The following CAMK1D variants were observed in gnomAD, a reference collection of about 807,000 sequenced individuals.
CAMK1D encodes the protein calcium/calmodulin dependent protein kinase ID, also known as calcium/calmodulin-dependent protein kinase type 1D.
In CAMK1D, 9 loss-of-function variants were observed where a neutral mutation model predicts 47.7. The ratio of observed to expected loss-of-function variants is 0.19; its 90% confidence interval spans 0.11 to 0.33. The LOEUF is 0.33. CAMK1D is among the 10% of genes least tolerant of loss of function. The pLI, the probability that CAMK1D is intolerant of heterozygous loss-of-function variation, is 1.00. For synonymous variants in CAMK1D, 184 were observed against 184.9 expected, an observed-to-expected ratio of 0.99 and a Z score of 0.04; for missense variants, 291 against 488.7, an observed-to-expected ratio of 0.60 and a Z score of 3.81.
intron 1 of CAMK1D, among the ~76,000 whole-genome samples, chr10:12,420,938 TCTTC>T (rs1840029272): frequency 6.6e-6 from 1 of 152,192 alleles, no homozygotes; most frequent in African/African-American, 2.4e-5. Flanking sequence ...TGAGCTCGCC[TCTTC>T]CTTTTATCTG....
At chr10:12,668,917 A>C (rs573295029) in intron 3 of CAMK1D, among the ~76,000 whole-genome samples, 4 of 152,236 alleles carry the variant, frequency 2.6e-5, no homozygotes, top group African/African-American at 9.6e-5. Flanking sequence ...TGTTAAGAAA[A>C]AAAAAACAAA....
chr10:12,695,066 A>AGATACCTCGGTAGATT (rs58711322), intron 3 of CAMK1D, among the ~76,000 whole-genome samples: 1 of 139,510 alleles, frequency 7.2e-6, no homozygotes, highest in Admixed American at 7.2e-5. Context: ...ATAGATAGAT[A>AGATACCTCGGTAGATT]CATAGGTAGA....
intron 1 of CAMK1D, among the ~76,000 whole-genome samples, chr10:12,507,784 TC>T (rs1834921852): frequency 6.6e-6 from 1 of 152,224 alleles, no homozygotes; most frequent in Admixed American, 6.5e-5. Context: ...TTCCTTGCCG[TC>T]TGCCTTGCAT....
At position 12,834,320 on chromosome 10, in the gene CAMK1D, C is replaced by G. The variant is rs1014558291; in HGVS notation, c.*5433C>G. The G allele has an allele frequency of 6.6e-6, 1 of 152,336 alleles. No homozygotes were observed. The highest frequency in any genetic ancestry group is 1.5e-5 in the Non-Finnish European group (1 of 68,118). 9.4% of individuals were successfully genotyped at this position (152,336 alleles called of 1,614,324 possible). On this transcript the variant is annotated 3_prime_UTR_variant, in exon 11 of 11. Coordinates refer to ENST00000619168, the MANE Select transcript of CAMK1D (RefSeq NM_153498.4). The stretch of plus-strand genomic sequence containing the variant: ...TGCTGGCCGAGGCCCGGCCACCTCC[C>G]GATGCCTCCAGAGTCAGTGGGAAGG...
At chr10:12,827,334 T>TCTTC (rs146751622) in intron 10 of CAMK1D, among the ~76,000 whole-genome samples, 45,661 of 122,450 alleles carry the variant, frequency 0.37, 9,470 homozygotes, top group East Asian at 0.49. Flanking sequence ...CTCTCTCTTC[T>TCTTC]CTTCCTTCCT....
At chr10:12,368,061 G>A (rs1393503140) in intron 1 of CAMK1D, among the ~76,000 whole-genome samples, 1 of 152,090 alleles carries the variant, frequency 6.6e-6, no homozygotes, top group Non-Finnish European at 1.5e-5. Flanking sequence ...GCGCGGTGGC[G>A]GGCGCCTGTA....
Position 12,458,171 on chromosome 10 carries a change from T to C in CAMK1D, c.93-95054T>C, listed in dbSNP as rs116846568. On this transcript the variant is annotated intron_variant, in intron 1 of 10. Transcript: ENST00000619168. ...GCAAATGCATACCGAGCCTCTCCCATGCACTGTCTGCTGTTGCACATGCCG... is the reference window on the plus strand; with the variant it reads ...GCAAATGCATACCGAGCCTCTCCCACGCACTGTCTGCTGTTGCACATGCCG... Among the ~76,000 whole-genome samples, 218 of 152,302 alleles carry C rather than the reference T, an allele frequency of 1.4e-3. 5 individuals carry two copies. In the East Asian group the frequency reaches 0.023, roughly 16 times the overall value.
intron 6 of CAMK1D, among the ~76,000 whole-genome samples, chr10:12,797,975 C>T (rs552891980): frequency 1.1e-4 from 16 of 152,212 alleles, no homozygotes; most frequent in African/African-American, 3.6e-4. Flanking sequence ...TGAGGGAAAT[C>T]GGGCTTTTAG....
At chr10:12,666,185 G>T (rs1255183050) in intron 2 of CAMK1D, among the ~76,000 whole-genome samples, 1 of 151,888 alleles carries the variant, frequency 6.6e-6, no homozygotes, top group African/African-American at 2.4e-5. Context: ...GGGGTGGGGG[G>T]ACATGAACCC....
At chr10:12,528,328 A>G (rs928237329) in intron 1 of CAMK1D, among the ~76,000 whole-genome samples, 4 of 152,222 alleles carry the variant, frequency 2.6e-5, no homozygotes, top group Admixed American at 2.0e-4. Flanking sequence ...ATAAATGTAC[A>G]AATCACTTTC....
chr10:12,769,649 G>GT, intron 4 of CAMK1D, 24 bp from the exon 5 acceptor site: 3 of 1,613,086 alleles, frequency 1.9e-6, no homozygotes, highest in Non-Finnish European at 1.7e-6. Flanking sequence ...AGTTTGTAAT[G>GT]TTTTTTTCTT....
intron 1 of CAMK1D, among the ~76,000 whole-genome samples, chr10:12,474,835 A>G (rs1833855544): frequency 6.6e-6 from 1 of 150,938 alleles, no homozygotes; most frequent in Admixed American, 6.6e-5. Flanking sequence ...CTTATGAGTA[A>G]GAACATGCAG....
At chr10:12,491,163 G>A (rs1172469074) in intron 1 of CAMK1D, among the ~76,000 whole-genome samples, 5 of 151,930 alleles carry the variant, frequency 3.3e-5, no homozygotes, top group African/African-American at 1.2e-4. Context: ...GTGTGTGTGT[G>A]TGTGTGTCTG....
In CAMK1D at chr10:12,697,810, G is replaced by A. The variant is rs544358401; in HGVS notation, c.299+31000G>A. On this transcript the variant is annotated intron_variant, in intron 3 of 10. Transcript: ENST00000619168. ...ACCTCTGCCGTCAGTCTGGATTTTG[G>A]CCGGGCGTTGCTGAGGGTCTGGAGT... 5.3e-5 allele frequency among the ~76,000 whole-genome samples: 8 copies of A among 152,276 alleles called. No individual in the cohort carries two copies. The East Asian group carries it at 1.5e-3, about 29-fold the overall frequency.
intron 1 of CAMK1D, among the ~76,000 whole-genome samples, chr10:12,404,956 A>G (rs1169141462): frequency 6.6e-6 from 1 of 152,120 alleles, no homozygotes; most frequent in Non-Finnish European, 1.5e-5. Context: ...AAGTGCTGGG[A>G]TTATAGACAT....
chr10:12,516,602 C>G (rs1354796812), intron 1 of CAMK1D, among the ~76,000 whole-genome samples: 1 of 152,184 alleles, frequency 6.6e-6, no homozygotes, highest in Non-Finnish European at 1.5e-5. Context: ...TGTATTTGCA[C>G]CAGCAGCGTA....
At chr10:12,574,017 C>T (rs1318695814) in intron 2 of CAMK1D, among the ~76,000 whole-genome samples, 1 of 151,862 alleles carries the variant, frequency 6.6e-6, no homozygotes, top group East Asian at 1.9e-4. Context: ...TTTACATCTG[C>T]AGCTGTACTT....
rs562476817 is a variant in CAMK1D, at chr10:12,415,446, G to A, written c.92+65536G>A. 1.2e-4 allele frequency among the ~76,000 whole-genome samples: 17 copies of A among 137,142 alleles called. No individual in the cohort carries two copies. The South Asian group carries it at 4.2e-3, about 34-fold the overall frequency. The allele number at this position is 137,142 out of a possible 152,430, so 90.0% of individuals were successfully genotyped here. A position where few individuals can be genotyped will look rare whatever the true frequency, so the allele number is the denominator to read the frequency against. ...TGGCATTACAGGCACCCACCACCAC[G>A]CCTGGCTAATTTTTTTTTTTTTTTT... On this transcript the variant is annotated intron_variant, in intron 1 of 10. Transcript: ENST00000619168.
At chr10:12,683,096 T>TG (rs1564489349) in intron 3 of CAMK1D, among the ~76,000 whole-genome samples, 1 of 150,440 alleles carries the variant, frequency 6.6e-6, no homozygotes, top group African/African-American at 2.4e-5. Context: ...TAATTTTTTT[T>TG]TTTTTTTTGA....
Sources: gnomAD v4.1 joint callset for allele counts (sites outside exome capture counted in the v4.1 genomes callset) on GRCh38, gnomAD v4.1.1 for gene constraint, MANE v1.5 for transcripts, NCBI Gene and HGNC (gene_info 2026-07-23, HGNC 2026-07-21) for gene names.